KATNAL1: variants seen among roughly 807,000 people sequenced by gnomAD.
The protein encoded by KATNAL1 is katanin p60 ATPase-containing subunit A-like 1.
KATNAL1 carries 32 observed loss-of-function variants against 55.2 expected under a neutral mutation model. The observed-to-expected ratio is 0.58, with a 90% CI of 0.44 to 0.78. The LOEUF is 0.78. KATNAL1 is among the 30% of genes least tolerant of loss of function. The pLI is 0.00. For synonymous variants in KATNAL1, 193 were observed against 193.6 expected (o/e 1.00, Z 0.02); for missense variants, 466 against 600.9 (o/e 0.78, Z 2.35).
chr13:30,305,696 GT>G lies in KATNAL1; in HGVS notation c.-15+1634del, dbSNP rs1883135102. On this transcript the variant is annotated intron_variant, in intron 1 of 10. Transcript: ENST00000380615. Reference sequence around the variant, plus strand: ...ACAGCACCTGACATATTCAATAAATGTTACTGTTATGTGATTATTTCCTCTG... The same window carrying G: ...ACAGCACCTGACATATTCAATAAATGTACTGTTATGTGATTATTTCCTCTG... 2.0e-5 allele frequency among the ~76,000 whole-genome samples: 3 copies of G among 152,322 alleles called. No individual in the cohort carries two copies. The South Asian group carries it at 6.2e-4, about 32-fold the overall frequency.
intron 4 of KATNAL1, among the ~76,000 whole-genome samples, chr13:30,254,652 T>C (rs1878629624): frequency 6.6e-6 from 1 of 152,190 alleles, no homozygotes; most frequent in Non-Finnish European, 1.5e-5. Context: ...ATACATATCA[T>C]GGCCTGAATG....
intron 3 of KATNAL1, among the ~76,000 whole-genome samples, chr13:30,267,587 T>C (rs1023506647): frequency 1.3e-5 from 2 of 152,132 alleles, no homozygotes; most frequent in African/African-American, 4.8e-5. Context: ...AGAAAACAAA[T>C]TGTAAGATAA....
intron 3 of KATNAL1, among the ~76,000 whole-genome samples, chr13:30,259,079 C>T (rs617899): frequency 0.55 from 83,624 of 152,074 alleles, 24,517 homozygotes; most frequent in East Asian, 0.71. Flanking sequence ...GTGGCTCACA[C>T]TTGTAATCCC....
intron 2 of KATNAL1, among the ~76,000 whole-genome samples, chr13:30,283,079 C>T (rs1247062724): frequency 6.6e-6 from 1 of 151,144 alleles, no homozygotes; most frequent in African/African-American, 2.4e-5. Context: ...ACCAGCCTGG[C>T]CAACATGGTG....
intron 9 of KATNAL1, among the ~76,000 whole-genome samples, chr13:30,218,205 A>T (rs1212168119): frequency 7.2e-6 from 1 of 139,508 alleles, no homozygotes; most frequent in African/African-American, 2.7e-5. Context: ...CAGTAAAAGG[A>T]ATATATATAT....
At chr13:30,290,804 A>G (rs1356774733) in intron 1 of KATNAL1, among the ~76,000 whole-genome samples, 1 of 152,242 alleles carries the variant, frequency 6.6e-6, no homozygotes, top group Non-Finnish European at 1.5e-5. Flanking sequence ...AGAATTCAAG[A>G]TGGTTTATTT....
intron 4 of KATNAL1, among the ~76,000 whole-genome samples, chr13:30,244,438 C>A (rs539502449): frequency 6.6e-6 from 1 of 152,124 alleles, no homozygotes; most frequent in African/African-American, 2.4e-5. Flanking sequence ...TGGGTATATA[C>A]CCTGTAATGG....
At chr13:30,288,175 C>T (rs1160529490) in intron 1 of KATNAL1, among the ~76,000 whole-genome samples, 2 of 152,122 alleles carry the variant, frequency 1.3e-5, no homozygotes, top group Non-Finnish European at 2.9e-5. Context: ...AAAATGTCTA[C>T]TTTTCAAAGT....
At chr13:30,296,163 C>T (rs939138724) in intron 1 of KATNAL1, 48 of 558,632 alleles carry the variant, frequency 8.6e-5, no homozygotes, top group Admixed American at 9.7e-5. Flanking sequence ...TCAGGTAATG[C>T]GTGCATGGGA....
intron 3 of KATNAL1, among the ~76,000 whole-genome samples, chr13:30,264,045 A>T (rs2137485169): frequency 6.7e-6 from 1 of 149,052 alleles, no homozygotes; most frequent in East Asian, 2.0e-4. Context: ...TCAACGGAAC[A>T]AAACAGAGCC....
chr13:30,274,237 T>C (rs9508687), intron 3 of KATNAL1, among the ~76,000 whole-genome samples: 13,288 of 152,218 alleles, frequency 0.087, 794 homozygotes, highest in African/African-American at 0.17. Flanking sequence ...GAAATACCTG[T>C]ATGTATGAAT....
intron 1 of KATNAL1, chr13:30,296,247 A>C: frequency 8.7e-7 from 1 of 1,146,970 alleles, no homozygotes; most frequent in Non-Finnish European, 1.2e-6. Context: ...TCAGACTACA[A>C]AGGGAAGTAC....
chr13:30,231,412 T>C lies in KATNAL1; in HGVS notation c.787A>G (p.Thr263Ala). The C allele has an allele frequency of 6.2e-7, 1 of 1,607,078 alleles. No individual in the cohort carries two copies. The highest frequency in any genetic ancestry group is 8.5e-7 in the Non-Finnish European group (1 of 1,176,580). ...GKTMLAKAVA[T>A]ECGTTFFNVS... ...TTGAAGAATGTTGTACCACATTCAG[T>C]GGCAACAGCTTTAGCTAGCATAGTT... Residue 263 changes from threonine to alanine, a missense_variant, in exon 7 of 11, where the codon ACT becomes GCT. Thr to Ala is a moderately conservative substitution (Grantham distance 58). Coordinates refer to ENST00000380615, the MANE Select transcript of KATNAL1 (RefSeq NM_032116.5).
At chr13:30,223,441 CAAAAAAAAAAAA>C (rs34451447) in intron 9 of KATNAL1, among the ~76,000 whole-genome samples, 1 of 48,770 alleles carries the variant, frequency 2.1e-5, no homozygotes, top group Non-Finnish European at 3.4e-5. Flanking sequence ...GACTCCATCT[CAAAAAAAAAAAA>C]AAAAAAAAAA....
intron 1 of KATNAL1, among the ~76,000 whole-genome samples, chr13:30,301,377 AAAC>A (rs1882845501): frequency 6.6e-6 from 1 of 152,208 alleles, no homozygotes; most frequent in African/African-American, 2.4e-5. Context: ...TGAAAAAAAC[AAAC>A]AAAAAAAACC....
chr13:30,283,375 A>C (rs1322979306), intron 2 of KATNAL1, among the ~76,000 whole-genome samples: 1 of 152,112 alleles, frequency 6.6e-6, no homozygotes, highest in African/African-American at 2.4e-5. Context: ...AAAAAGTTAA[A>C]GTAGATTCAA....
intron 3 of KATNAL1, among the ~76,000 whole-genome samples, chr13:30,273,210 G>A (rs758617265): frequency 1.3e-4 from 20 of 152,186 alleles, no homozygotes; most frequent in Non-Finnish European, 2.1e-4. Context: ...TCCCCAGCTA[G>A]CATTCACTTT....
chr13:30,217,015 C>T (rs1874335572), intron 9 of KATNAL1, among the ~76,000 whole-genome samples: 1 of 152,080 alleles, frequency 6.6e-6, no homozygotes. Context: ...TAAGTGAGGA[C>T]CTAGTGGTAC....
At position 30,304,248 on chromosome 13, in the gene KATNAL1, G is replaced by A. The variant is rs188087498; in HGVS notation, c.-15+3083C>T. Among the ~76,000 whole-genome samples the A allele has an allele frequency of 9.9e-4, 148 of 149,152 alleles. 1 individual carries two copies. The East Asian group carries it at 0.013, about 13-fold the overall frequency. On this transcript the variant is annotated intron_variant, in intron 1 of 10. Transcript: ENST00000380615. Reference sequence around the variant, plus strand: ...AGGGTCTCATTTGTAGGCTCCTCCCGCAAACACATACACACAACTCTTTTT... The same window carrying A: ...AGGGTCTCATTTGTAGGCTCCTCCCACAAACACATACACACAACTCTTTTT...
Sources: gnomAD v4.1 joint callset for allele counts (sites outside exome capture counted in the v4.1 genomes callset) on GRCh38, gnomAD v4.1.1 for gene constraint, MANE v1.5 for transcripts, NCBI Gene and HGNC (gene_info 2026-07-23, HGNC 2026-07-21) for gene names.